NLGN1: variants seen among roughly 807,000 people sequenced by gnomAD.
NLGN1 encodes the protein neuroligin 1, also known as neuroligin-1.
In NLGN1, 12 loss-of-function variants were observed where a neutral mutation model predicts 65.5. The observed-to-expected ratio is 0.18, with a 90% CI of 0.12 to 0.30. The LOEUF is 0.30. NLGN1 is among the 10% of genes least tolerant of loss of function. NLGN1 has a pLI of 1.00. For synonymous variants in NLGN1, 350 were observed against 359.5 expected (o/e 0.97, Z 0.30); for missense variants, 750 against 1,007.1 (o/e 0.74, Z 3.46).
At chr3:173,977,576 A>C (rs747065541) in intron 4 of NLGN1, among the ~76,000 whole-genome samples, 1 of 152,028 alleles carries the variant, frequency 6.6e-6, no homozygotes, top group Non-Finnish European at 1.5e-5. Context: ...ACTAGAAGAC[A>C]GAGGTTCCAA....
intron 3 of NLGN1, among the ~76,000 whole-genome samples, chr3:173,717,748 AAAGTGGTTTAAG>A (rs2149984520): frequency 6.6e-6 from 1 of 152,298 alleles, no homozygotes; most frequent in South Asian, 2.1e-4. Context: ...CAGGAGCCAC[AAAGTGGTTTAAG>A]AAGTGGTTTA....
intron 2 of NLGN1, among the ~76,000 whole-genome samples, chr3:173,471,028 T>G (rs1020793969): frequency 3.3e-5 from 5 of 152,112 alleles, no homozygotes; most frequent in African/African-American, 1.2e-4. Context: ...ACAAAAATTC[T>G]AATTATCTTT....
At chr3:173,837,100 G>A (rs1723766732) in intron 4 of NLGN1, among the ~76,000 whole-genome samples, 1 of 152,070 alleles carries the variant, frequency 6.6e-6, no homozygotes, top group Admixed American at 6.6e-5. Context: ...ATGATGGACT[G>A]ATAATAGTAA....
intron 4 of NLGN1, among the ~76,000 whole-genome samples, chr3:174,108,127 AT>A (rs1561060584): frequency 6.6e-6 from 1 of 152,116 alleles, no homozygotes; most frequent in South Asian, 2.1e-4. Flanking sequence ...TCACAGAGCA[AT>A]TTTTTAAAAT....
intron 3 of NLGN1, among the ~76,000 whole-genome samples, chr3:173,790,342 C>T (rs544239418): frequency 6.6e-6 from 1 of 152,132 alleles, no homozygotes; most frequent in South Asian, 2.1e-4. Context: ...ATCCTGGCTT[C>T]CCATTTATTA....
intron 2 of NLGN1, among the ~76,000 whole-genome samples, chr3:173,592,876 A>G (rs1748772206): frequency 6.6e-6 from 1 of 152,158 alleles, no homozygotes; most frequent in Non-Finnish European, 1.5e-5. Context: ...TAAAATGGCC[A>G]ACAAATTCTT....
At chr3:173,849,205 G>A (rs996507723) in intron 4 of NLGN1, among the ~76,000 whole-genome samples, 1 of 151,992 alleles carries the variant, frequency 6.6e-6, no homozygotes, top group Non-Finnish European at 1.5e-5. Flanking sequence ...ATTAATGACG[G>A]TATTTTTTTT....
At position 174,265,293 on chromosome 3, in the gene NLGN1, G is replaced by A. The variant is rs1479569651; in HGVS notation, c.647-10022G>A. On this transcript the variant is annotated intron_variant, in intron 4 of 6. Transcript: ENST00000457714. The stretch of plus-strand genomic sequence containing the variant: ...ACTCCCCCAGCCTCGCTGCCGCCTT[G>A]CAGTTTGATCTCAGACTGCTGTGCT... 6.6e-5 allele frequency among the ~76,000 whole-genome samples: 10 copies of A among 151,734 alleles called. 1 individual carries two copies. The highest frequency in any genetic ancestry group is 8.8e-5 in the Non-Finnish European group (6 of 67,922).
Position 174,131,529 on chromosome 3 carries a change from T to C in NLGN1, c.647-143786T>C, listed in dbSNP as rs183133857. On this transcript the variant is annotated intron_variant, in intron 4 of 6. Transcript: ENST00000457714. Reference sequence around the variant, plus strand: ...AGTTTTCTTGTTTGGAAAATGAACCTTATAATGATAATATTAATAGCAATA... The same window carrying C: ...AGTTTTCTTGTTTGGAAAATGAACCCTATAATGATAATATTAATAGCAATA... 5.4e-3 allele frequency among the ~76,000 whole-genome samples: 817 copies of C among 152,284 alleles called. 21 individuals carry two copies. Among genetic ancestry groups the C allele is most frequent in the East Asian group, 0.016 (81 of 5,184 alleles).
intron 1 of NLGN1, among the ~76,000 whole-genome samples, chr3:173,424,778 C>T (rs1170517741): frequency 6.6e-6 from 1 of 152,196 alleles, no homozygotes; most frequent in Non-Finnish European, 1.5e-5. Flanking sequence ...CAACAAGTCT[C>T]TAGGAAGTTC....
intron 2 of NLGN1, among the ~76,000 whole-genome samples, chr3:173,476,412 A>G (rs1235290790): frequency 6.6e-6 from 1 of 152,234 alleles, no homozygotes; most frequent in Non-Finnish European, 1.5e-5. Flanking sequence ...ATAATTATAA[A>G]TCTATTTATC....
intron 2 of NLGN1, among the ~76,000 whole-genome samples, chr3:173,455,760 GTA>G (rs536028442): frequency 1.4e-4 from 22 of 151,976 alleles, no homozygotes; most frequent in East Asian, 1.2e-3. Flanking sequence ...ATGTGTGTGT[GTA>G]TATATATATG....
chr3:173,542,567 G>T (rs1033819680), intron 2 of NLGN1, among the ~76,000 whole-genome samples: 3 of 151,954 alleles, frequency 2.0e-5, no homozygotes, highest in Non-Finnish European at 4.4e-5. Flanking sequence ...CTTATATTGG[G>T]GGACTGATAA....
At chr3:174,166,948 C>CT (rs969154834) in intron 4 of NLGN1, among the ~76,000 whole-genome samples, 4 of 151,922 alleles carry the variant, frequency 2.6e-5, no homozygotes, top group Non-Finnish European at 5.9e-5. Context: ...CTTCTTTGTC[C>CT]TTTTTTTACT....
chr3:173,701,735 A>G (rs546292383), intron 3 of NLGN1, among the ~76,000 whole-genome samples: 4 of 152,356 alleles, frequency 2.6e-5, no homozygotes, highest in Admixed American at 2.6e-4. Context: ...TTTTCTAATA[A>G]CAGAGCTAGA....
At chr3:173,483,164 T>A (rs1351592358) in intron 2 of NLGN1, among the ~76,000 whole-genome samples, 2 of 152,088 alleles carry the variant, frequency 1.3e-5, no homozygotes, top group East Asian at 1.9e-4. Flanking sequence ...ATCTTTTTGA[T>A]GTTGTTTATG....
intron 4 of NLGN1, among the ~76,000 whole-genome samples, chr3:174,077,167 TA>T (rs1177464437): frequency 1.3e-5 from 2 of 151,722 alleles, no homozygotes; most frequent in Non-Finnish European, 2.9e-5. Context: ...AAATTACAGA[TA>T]AAAATATATT....
intron 1 of NLGN1, among the ~76,000 whole-genome samples, chr3:173,402,945 C>T (rs1025031760): frequency 1.3e-5 from 2 of 152,100 alleles, no homozygotes; most frequent in African/African-American, 4.8e-5. Context: ...AAAATCAGAG[C>T]TCTGTTAACT....
intron 3 of NLGN1, among the ~76,000 whole-genome samples, chr3:173,731,083 C>T (rs1475696007): frequency 2.6e-5 from 4 of 151,926 alleles, no homozygotes; most frequent in African/African-American, 4.8e-5. Context: ...GTTTTCATTC[C>T]GATATCATTC....
Sources: allele counts gnomAD v4.1 joint callset (sites outside exome capture counted in the v4.1 genomes callset), GRCh38; gene constraint gnomAD v4.1.1; transcripts MANE v1.5; gene names NCBI Gene and HGNC (gene_info 2026-07-23, HGNC 2026-07-21).